Variants in CCDC192 observed in about 807,000 individuals in gnomAD.
The protein encoded by CCDC192 is coiled-coil domain-containing protein 192.
At chr5:127,920,728 A>G (rs1049740188) in intron 6 of CCDC192, among the ~76,000 whole-genome samples, 1 of 151,656 alleles carries the variant, frequency 6.6e-6, no homozygotes, top group Non-Finnish European at 1.5e-5. Flanking sequence ...AGGTATTAAT[A>G]AGTTATTTTT....
chr5:127,769,119 G>A (rs903225818), intron 3 of CCDC192, among the ~76,000 whole-genome samples: 1 of 152,220 alleles, frequency 6.6e-6, no homozygotes, highest in Non-Finnish European at 1.5e-5. Context: ...TGTGTGGGTT[G>A]TGGAGGAGAA....
At chr5:127,757,165 G>T (rs1395797555) in intron 3 of CCDC192, among the ~76,000 whole-genome samples, 1 of 152,150 alleles carries the variant, frequency 6.6e-6, no homozygotes, top group East Asian at 1.9e-4. Flanking sequence ...AAAATTGGAA[G>T]ACATGGAGAA....
At chr5:127,836,269 G>C (rs1296380091) in intron 5 of CCDC192, among the ~76,000 whole-genome samples, 2 of 152,214 alleles carry the variant, frequency 1.3e-5, no homozygotes, top group Admixed American at 6.5e-5. Context: ...TACAAGAGGT[G>C]GGCTCCCATG....
chr5:127,898,001 A>G (rs751045417), intron 6 of CCDC192, among the ~76,000 whole-genome samples: 24 of 152,234 alleles, frequency 1.6e-4, no homozygotes, highest in Non-Finnish European at 3.1e-4. Flanking sequence ...TATGATTAAC[A>G]TAGGAACTTA....
At position 127,868,908 on chromosome 5, in the gene CCDC192, C is replaced by T. The variant is rs548339037; in HGVS notation, c.412-6630C>T. 3.3e-5 allele frequency among the ~76,000 whole-genome samples: 5 copies of T among 152,284 alleles called. No homozygotes were observed. In the East Asian group the frequency reaches 9.6e-4, roughly 29 times the overall value. On this transcript the variant is annotated intron_variant, in intron 5 of 6. Coordinates refer to ENST00000514853, the MANE Select transcript of CCDC192 (RefSeq NM_001317938.2). ...GAAGGCAAAATCTGGAGATAGACCG[C>T]AGAGATTTAAATTGTGACTCACCAT... is the stretch of plus-strand genomic sequence containing the variant.
At chr5:127,814,155 G>A (rs1758230846) in intron 5 of CCDC192, among the ~76,000 whole-genome samples, 1 of 152,128 alleles carries the variant, frequency 6.6e-6, no homozygotes. Context: ...TTCAGGAGTA[G>A]GGGAGAATGC....
intron 6 of CCDC192, among the ~76,000 whole-genome samples, chr5:127,882,569 C>A (rs911760503): frequency 6.6e-6 from 1 of 152,168 alleles, no homozygotes; most frequent in Non-Finnish European, 1.5e-5. Flanking sequence ...AGCCATTGAA[C>A]TGTACACTTT....
chr5:127,857,533 C>A (rs1270319844), intron 5 of CCDC192: 2 of 152,074 alleles, frequency 1.3e-5, no homozygotes, highest in African/African-American at 4.8e-5. Flanking sequence ...CAGAGAGAAA[C>A]ACAACCAATA....
chr5:127,849,363 A>G (rs539378207), intron 5 of CCDC192, among the ~76,000 whole-genome samples: 10 of 152,206 alleles, frequency 6.6e-5, no homozygotes, highest in African/African-American at 2.4e-4. Context: ...CCCACAAGCC[A>G]CAGGGGATAG....
chr5:127,911,870 G>A (rs1753366545), intron 6 of CCDC192, among the ~76,000 whole-genome samples: 1 of 151,686 alleles, frequency 6.6e-6, no homozygotes, highest in Non-Finnish European at 1.5e-5. Flanking sequence ...ACCATGCCCA[G>A]ATAATTGTTT....
At chr5:127,806,746 T>C (rs991048604) in intron 5 of CCDC192, among the ~76,000 whole-genome samples, 33 of 152,150 alleles carry the variant, frequency 2.2e-4, no homozygotes, top group African/African-American at 7.0e-4. Flanking sequence ...ACTCCAGCCA[T>C]TGAGGCTCAC....
chr5:127,766,741 G>A (rs1212346459), intron 3 of CCDC192, among the ~76,000 whole-genome samples: 1 of 151,688 alleles, frequency 6.6e-6, no homozygotes, highest in Non-Finnish European at 1.5e-5. Context: ...CACTTTGAGT[G>A]TGTGGTGTCC....
chr5:127,785,410 T>G, intron 3 of CCDC192: 1 of 380,038 alleles, frequency 2.6e-6, no homozygotes, highest in Non-Finnish European at 5.2e-6. Context: ...CTCACACCAG[T>G]GTCTTGAAAC....
At chr5:127,780,375 T>A (rs186666217) in intron 3 of CCDC192, among the ~76,000 whole-genome samples, 32 of 152,286 alleles carry the variant, frequency 2.1e-4, no homozygotes, top group Middle Eastern at 6.8e-3. Context: ...AGTTCTACTT[T>A]TAGTTATTTA....
At chr5:127,726,973 C>T (rs186165852) in intron 2 of CCDC192, among the ~76,000 whole-genome samples, 7 of 152,316 alleles carry the variant, frequency 4.6e-5, no homozygotes, top group Admixed American at 3.3e-4. Flanking sequence ...GGTTGCCAGA[C>T]ACATTATACA....
chr5:127,868,108 G>A (rs898518650), intron 5 of CCDC192, among the ~76,000 whole-genome samples: 7 of 151,822 alleles, frequency 4.6e-5, no homozygotes, highest in South Asian at 2.1e-4. Context: ...TACATAAAGG[G>A]GCCAGAGCCC....
chr5:127,769,708 G>A (rs1358813335), intron 3 of CCDC192, among the ~76,000 whole-genome samples: 2 of 152,140 alleles, frequency 1.3e-5, no homozygotes, highest in African/African-American at 2.4e-5. Flanking sequence ...GTGCTCAAAT[G>A]TGTAATATTT....
At chr5:127,721,024 G>T (rs368211637) in intron 2 of CCDC192, among the ~76,000 whole-genome samples, 1 of 152,178 alleles carries the variant, frequency 6.6e-6, no homozygotes, top group South Asian at 2.1e-4. Flanking sequence ...AAATGTCTTC[G>T]AGGTCTTTCC....
chr5:127,880,923 T>C (rs1752327747), intron 6 of CCDC192, among the ~76,000 whole-genome samples: 1 of 152,188 alleles, frequency 6.6e-6, no homozygotes, highest in African/African-American at 2.4e-5. Flanking sequence ...GAGGTTGCAG[T>C]GAGCCGAGAT....
Sources: allele counts gnomAD v4.1 joint callset (sites outside exome capture counted in the v4.1 genomes callset), GRCh38; gene constraint gnomAD v4.1.1; transcripts MANE v1.5; gene names NCBI Gene and HGNC (gene_info 2026-07-23, HGNC 2026-07-21).